The following AGT variants were observed in gnomAD, a reference collection of about 807,000 sequenced individuals.
AGT encodes the protein angiotensinogen, also known as alpha-1 antiproteinase, antitrypsin.
In AGT, 26 loss-of-function variants were observed where a neutral mutation model predicts 28.1. The observed-to-expected ratio is 0.92, with a 90% confidence interval of 0.68 to 1.28. The LOEUF (loss-of-function observed/expected upper bound fraction) is 1.28. Ranked by LOEUF, AGT falls within the 50% of genes most tolerant of loss-of-function variation. AGT has a pLI of 0.00. For synonymous variants in AGT, 259 were observed against 259.6 expected (o/e 1.00, Z 0.02); for missense variants, 596 against 592.3 (o/e 1.01, Z -0.06).
chr1:230,703,022 G>T lies in AGT; in HGVS notation c.*119C>A. 8.7e-7 allele frequency: 1 copy of T among 1,144,288 alleles called. No individual in the cohort carries two copies. The highest frequency in any genetic ancestry group is 1.2e-6 in the Non-Finnish European group (1 of 805,636). The allele number at this position is 1,144,288 out of a possible 1,614,324, so 70.9% of individuals were successfully genotyped here. On this transcript the variant is annotated 3_prime_UTR_variant, in exon 5 of 5. Coordinates refer to ENST00000366667, the MANE Select transcript of AGT (RefSeq NM_001384479.1). ...TCAAAGTCGACTCATTAGAAGAAAA[G>T]GTGGGAGACTGGGGGTGACACATCG...
At chr1:230,725,832 C>A (rs7515609) in intron 1 of AGT, among the ~76,000 whole-genome samples, 6 of 152,104 alleles carry the variant, frequency 3.9e-5, no homozygotes, top group Admixed American at 2.6e-4. Context: ...GGCTCCCAAC[C>A]AGAGCCAGTA....
chr1:230,732,481 G>C (rs1042135077), intron 1 of AGT, among the ~76,000 whole-genome samples: 1 of 152,046 alleles, frequency 6.6e-6, no homozygotes, highest in African/African-American at 2.4e-5. Flanking sequence ...ACTGGGGTTA[G>C]AGGCACTGAC....
upstream of AGT, among the ~76,000 whole-genome samples, chr1:230,719,417 T>TTGTTTGTTTTTGTTTTTTTTTG (rs1663802543): frequency 9.6e-6 from 1 of 104,402 alleles, no homozygotes; most frequent in African/African-American, 3.9e-5. Context: ...TTTTTTTTTT[T>TTGTTTGTTTTTGTTTTTTTTTG]TTTTTTTTGA....
chr1:230,736,374 C>T (rs943567816), intron 1 of AGT, among the ~76,000 whole-genome samples: 1 of 151,904 alleles, frequency 6.6e-6, no homozygotes, highest in African/African-American at 2.4e-5. Flanking sequence ...ATACAAAAAG[C>T]CGGGCATGGT....
intron 1 of AGT, among the ~76,000 whole-genome samples, chr1:230,735,695 C>G (rs1664142391): frequency 6.6e-6 from 1 of 152,122 alleles, no homozygotes; most frequent in Non-Finnish European, 1.5e-5. Context: ...GGCTTCCACT[C>G]CACAGCTTCT....
chr1:230,731,436 T>C (rs945450013), intron 1 of AGT, among the ~76,000 whole-genome samples: 2 of 152,198 alleles, frequency 1.3e-5, no homozygotes, highest in African/African-American at 4.8e-5. Context: ...CCCATTGCAA[T>C]GAGAGGAAAC....
intron 3 of AGT, among the ~76,000 whole-genome samples, chr1:230,704,598 A>T (rs1663330357): frequency 1.3e-5 from 2 of 152,250 alleles, no homozygotes; most frequent in Non-Finnish European, 2.9e-5. Context: ...CCTTTGGTGC[A>T]TTCTGTTTTT....
intron 2 of AGT, among the ~76,000 whole-genome samples, chr1:230,708,701 A>T (rs930846753): frequency 6.6e-6 from 1 of 152,020 alleles, no homozygotes. Context: ...CACACCCCTC[A>T]GCCCCACCCC....
chr1:230,739,814 G>A (rs968441495), intron 1 of AGT, among the ~76,000 whole-genome samples: 1 of 151,826 alleles, frequency 6.6e-6, no homozygotes, highest in Non-Finnish European at 1.5e-5. Flanking sequence ...GGAGGAGGAA[G>A]ATCACTTATT....
chr1:230,705,234 G>A (rs115619815), intron 3 of AGT, among the ~76,000 whole-genome samples: 41 of 152,250 alleles, frequency 2.7e-4, no homozygotes, highest in African/African-American at 8.7e-4. Flanking sequence ...ACTCGAAAAT[G>A]GTTACGATGG....
At chr1:230,722,860 G>A (rs986409892) in intron 1 of AGT, among the ~76,000 whole-genome samples, 1 of 152,218 alleles carries the variant, frequency 6.6e-6, no homozygotes, top group Admixed American at 6.5e-5. Context: ...GTTAATGCTG[G>A]AATGAATTAA....
chr1:230,722,956 C>T (rs75295522), intron 1 of AGT, among the ~76,000 whole-genome samples: 2,087 of 152,228 alleles, frequency 0.014, 55 homozygotes, highest in African/African-American at 0.046. Context: ...GAGAATGATA[C>T]GGTTTAGCTC....
chr1:230,712,962 A>C (rs1384477260), intron 1 of AGT, among the ~76,000 whole-genome samples: 1 of 152,072 alleles, frequency 6.6e-6, no homozygotes, highest in East Asian at 1.9e-4. Context: ...ATGACGGCTC[A>C]TGCTCCTGTG....
At chr1:230,703,808 G>A (rs1663299292) in intron 4 of AGT, among the ~76,000 whole-genome samples, 1 of 152,226 alleles carries the variant, frequency 6.6e-6, no homozygotes, top group African/African-American at 2.4e-5. Flanking sequence ...CATGGCAGGG[G>A]GACATTCTGT....
intron 4 of AGT, among the ~76,000 whole-genome samples, chr1:230,703,638 TC>T (rs1161905823): frequency 6.6e-6 from 1 of 152,182 alleles, no homozygotes; most frequent in Non-Finnish European, 1.5e-5. Context: ...AATTCCTGGC[TC>T]CCTTGGCCAT....
chr1:230,709,436 T>TAAA (rs34924695), intron 2 of AGT, among the ~76,000 whole-genome samples: 3 of 131,318 alleles, frequency 2.3e-5, no homozygotes, highest in Admixed American at 7.4e-5. Context: ...CCTGTCTCAA[T>TAAA]AAAAAAAAAA....
At chr1:230,735,222 T>A (rs112247369) in intron 1 of AGT, among the ~76,000 whole-genome samples, 3,088 of 152,098 alleles carry the variant, frequency 0.02, 92 homozygotes, top group African/African-American at 0.07. Context: ...TTCCACTACC[T>A]CCCAGAGCAT....
intron 1 of AGT, among the ~76,000 whole-genome samples, chr1:230,734,149 C>G (rs1461536446): frequency 2.0e-5 from 3 of 152,000 alleles, no homozygotes; most frequent in Admixed American, 1.3e-4. Flanking sequence ...CAAGTGTCCA[C>G]CAACAGATAA....
intron 1 of AGT, among the ~76,000 whole-genome samples, chr1:230,727,657 C>T (rs899839692): frequency 7.2e-5 from 11 of 152,154 alleles, no homozygotes; most frequent in African/African-American, 2.4e-4. Context: ...GAGTTATGTC[C>T]CCTAAAAGGC....
Sources: allele counts gnomAD v4.1 joint callset (sites outside exome capture counted in the v4.1 genomes callset), GRCh38; gene constraint gnomAD v4.1.1; transcripts MANE v1.5; gene names NCBI Gene and HGNC (gene_info 2026-07-23, HGNC 2026-07-21).